ZDHHC14: variants seen among roughly 807,000 people sequenced by gnomAD.
The protein encoded by ZDHHC14 is palmitoyltransferase ZDHHC14.
In ZDHHC14, 16 loss-of-function variants were observed where a neutral mutation model predicts 47.7. That is an observed-to-expected ratio of 0.34 (90% CI 0.23 to 0.51). The LOEUF (loss-of-function observed/expected upper bound fraction) is 0.51. Ranked by LOEUF, ZDHHC14 falls within the 20% of genes least tolerant of loss-of-function variation. The pLI, the probability that ZDHHC14 is intolerant of heterozygous loss-of-function variation, is 0.97. For missense variants in ZDHHC14, 515 were observed against 662.5 expected (o/e 0.78, Z 2.44); for synonymous variants, 293 against 278.9 (o/e 1.05, Z -0.50).
chr6:157,452,861 C>T (rs1355213870), intron 1 of ZDHHC14, among the ~76,000 whole-genome samples: 1 of 151,860 alleles, frequency 6.6e-6, no homozygotes, highest in Admixed American at 6.6e-5. Flanking sequence ...CACCACCACA[C>T]CCGGCTAATT....
chr6:157,513,877 T>G (rs1780585796), intron 1 of ZDHHC14, among the ~76,000 whole-genome samples: 2 of 152,088 alleles, frequency 1.3e-5, no homozygotes, highest in South Asian at 4.2e-4. Context: ...AACTTAGAAA[T>G]CAGCTGTTTC....
In ZDHHC14 at chr6:157,510,118, C is replaced by A. The variant is rs1302042081; in HGVS notation, c.246-32467C>A. On this transcript the variant is annotated intron_variant, in intron 1 of 8. Transcript: ENST00000359775. ...ACATTAGTGGGGCATGATGGCCAGG[C>A]CTGTAATCGCAGCTACTCAGGAGGC... Among the ~76,000 whole-genome samples the A allele has an allele frequency of 2.6e-5, 4 of 152,272 alleles. No individual in the cohort carries two copies. In the South Asian group the frequency reaches 6.2e-4, roughly 24 times the overall value.
At chr6:157,587,360 T>C (rs529667070) in intron 2 of ZDHHC14, among the ~76,000 whole-genome samples, 1 of 152,216 alleles carries the variant, frequency 6.6e-6, no homozygotes, top group Non-Finnish European at 1.5e-5. Context: ...CATCTCTTTG[T>C]TCTCTCCTTA....
chr6:157,404,551 A>G (rs545554676), intron 1 of ZDHHC14, among the ~76,000 whole-genome samples: 2 of 152,256 alleles, frequency 1.3e-5, no homozygotes, highest in East Asian at 3.9e-4. Flanking sequence ...GCCTTAGTGG[A>G]TACTTGGGAG....
intron 1 of ZDHHC14, among the ~76,000 whole-genome samples, chr6:157,485,360 A>G (rs1244982843): frequency 6.6e-6 from 1 of 152,202 alleles, no homozygotes; most frequent in Non-Finnish European, 1.5e-5. Context: ...AAAGGTCTCC[A>G]CGAGGAAGTA....
At chr6:157,646,836 C>T (rs939820768) in intron 6 of ZDHHC14, among the ~76,000 whole-genome samples, 2 of 152,038 alleles carry the variant, frequency 1.3e-5, no homozygotes, top group African/African-American at 4.8e-5. Context: ...TACTTGGTAG[C>T]TACAAATATT....
intron 2 of ZDHHC14, among the ~76,000 whole-genome samples, chr6:157,544,386 G>A (rs1483655623): frequency 2.6e-5 from 4 of 152,210 alleles, no homozygotes; most frequent in African/African-American, 9.6e-5. Flanking sequence ...GGTGGCTCAT[G>A]CCTGTAATCC....
rs565272386 is a variant in ZDHHC14 at position 157,399,376 on chromosome 6, G to A, written c.245+17110G>A. Among the ~76,000 whole-genome samples, 24 of 152,270 alleles carry A rather than the reference G, an allele frequency of 1.6e-4. 1 individual carries two copies. The South Asian group carries it at 4.6e-3, about 29-fold the overall frequency. ...CGAAGTTGGCATTTTGTAAGTGTTC[G>A]AATAAGCACCATGCCGTGGGATAAG... On this transcript the variant is annotated intron_variant, in intron 1 of 8. Coordinates refer to ENST00000359775, the MANE Select transcript of ZDHHC14 (RefSeq NM_024630.3).
intron 7 of ZDHHC14, among the ~76,000 whole-genome samples, chr6:157,653,021 A>G (rs1777911562): frequency 6.6e-6 from 1 of 152,164 alleles, no homozygotes; most frequent in Non-Finnish European, 1.5e-5. Flanking sequence ...AGAGGGGGGA[A>G]GAGTCCAAAC....
chr6:157,407,959 G>A (rs899306676), intron 1 of ZDHHC14, among the ~76,000 whole-genome samples: 5 of 152,162 alleles, frequency 3.3e-5, no homozygotes, highest in African/African-American at 4.8e-5. Flanking sequence ...AAGTGCTGCC[G>A]TGTTGCTAGG....
At chr6:157,594,475 G>A (rs1032771334) in intron 3 of ZDHHC14, among the ~76,000 whole-genome samples, 1 of 152,166 alleles carries the variant, frequency 6.6e-6, no homozygotes, top group Admixed American at 6.5e-5. Flanking sequence ...CCTCAGTTTC[G>A]TCATCTCTGC....
chr6:157,672,987 G>T lies in ZDHHC14; in HGVS notation c.1332G>T (p.Ala444=), dbSNP rs369643267. The T allele has an allele frequency of 1.4e-4, 216 of 1,590,982 alleles. 1 individual carries two copies. Among genetic ancestry groups the T allele is most frequent in the Non-Finnish European group, 1.7e-4 (204 of 1,173,048 alleles). Residue 444 remains alanine, a synonymous_variant, in exon 9 of 9, where the codon GCG becomes GCT. Transcript: ENST00000359775. ...ACCAGTTCCTGACGCCCGATGAGGC[G>T]CCCTCGCCCCCCAGGCTACTGGCGG... is the stretch of plus-strand genomic sequence containing the variant. ...MGHQFLTPDE[A]PSPPRLLAAG...
At chr6:157,553,630 G>A (rs556778295) in intron 2 of ZDHHC14, among the ~76,000 whole-genome samples, 3 of 151,930 alleles carry the variant, frequency 2.0e-5, no homozygotes, top group East Asian at 3.9e-4. Flanking sequence ...CTCGTATGCT[G>A]GGGGGTGGGA....
intron 1 of ZDHHC14, among the ~76,000 whole-genome samples, chr6:157,417,180 C>G (rs997753453): frequency 5.3e-5 from 8 of 151,616 alleles, no homozygotes; most frequent in African/African-American, 1.9e-4. Context: ...TGTGGGTGTA[C>G]GGGTGCTCGT....
At chr6:157,534,607 G>A (rs141299432) in intron 1 of ZDHHC14, among the ~76,000 whole-genome samples, 1 of 149,272 alleles carries the variant, frequency 6.7e-6, no homozygotes, top group Non-Finnish European at 1.5e-5. Flanking sequence ...TCATGTTTTT[G>A]AGACAGGGTC....
At chr6:157,575,434 T>C (rs2114864485) in intron 2 of ZDHHC14, among the ~76,000 whole-genome samples, 1 of 152,316 alleles carries the variant, frequency 6.6e-6, no homozygotes, top group East Asian at 1.9e-4. Flanking sequence ...TACAGGGTTC[T>C]GTGTGGCCTA....
At chr6:157,618,165 G>A (rs570469319) in intron 3 of ZDHHC14, among the ~76,000 whole-genome samples, 2 of 152,196 alleles carry the variant, frequency 1.3e-5, no homozygotes, top group Non-Finnish European at 2.9e-5. Flanking sequence ...CAACGCTGAG[G>A]GGCTTGGGTG....
intron 1 of ZDHHC14, among the ~76,000 whole-genome samples, chr6:157,445,234 T>C (rs1448262638): frequency 2.0e-5 from 3 of 152,048 alleles, no homozygotes; most frequent in African/African-American, 7.2e-5. Flanking sequence ...CTCTGAATTA[T>C]TGGAGATAAA....
At chr6:157,568,004 G>A (rs1782969509) in intron 2 of ZDHHC14, among the ~76,000 whole-genome samples, 1 of 152,174 alleles carries the variant, frequency 6.6e-6, no homozygotes, top group African/African-American at 2.4e-5. Flanking sequence ...TAGAGCTTCA[G>A]AGTGAAGTAA....
Sources: gnomAD v4.1 joint callset for allele counts (sites outside exome capture counted in the v4.1 genomes callset) on GRCh38, gnomAD v4.1.1 for gene constraint, MANE v1.5 for transcripts, NCBI Gene and HGNC (gene_info 2026-07-23, HGNC 2026-07-21) for gene names.